NKX2-2: variants seen among roughly 807,000 people sequenced by gnomAD.
NKX2-2 encodes NK2 homeobox 2, also known as homeobox protein Nkx-2.2.
NKX2-2 carries 8 observed loss-of-function variants against 24.6 expected under a neutral mutation model. The ratio of observed to expected loss-of-function variants is 0.32; its 90% CI spans 0.19 to 0.59. The LOEUF (loss-of-function observed/expected upper bound fraction) is 0.59, where lower values mean the gene tolerates loss of function less well. Among genes scored for constraint, NKX2-2 ranks in the 20% least tolerant of loss-of-function variants. The pLI, the probability that NKX2-2 is intolerant of heterozygous loss-of-function variation, is 0.86. For missense variants in NKX2-2, 381 were observed against 373.9 expected (o/e 1.02, Z -0.16); for synonymous variants, 217 against 173.3 (o/e 1.25, Z -1.98).
chr20:21,515,537 C>T (rs1337006222), upstream of NKX2-2, among the ~76,000 whole-genome samples: 2 of 151,436 alleles, frequency 1.3e-5, no homozygotes, highest in Non-Finnish European at 2.9e-5. Context: ...TCCTCCTCGG[C>T]GCTGGGGTTG....
chr20:21,513,279 C>A lies in NKX2-2; in HGVS notation c.259+132G>T. Reference sequence around the variant, plus strand: ...GACATCCTATACAGGTGTTAAAAATCTTTCTACGGATCCGAGTGAGGGGGT... The same window carrying A: ...GACATCCTATACAGGTGTTAAAAATATTTCTACGGATCCGAGTGAGGGGGT... On this transcript the variant is annotated intron_variant, in intron 1 of 1. Coordinates refer to ENST00000377142, the MANE Select transcript of NKX2-2 (RefSeq NM_002509.4). The surrounding 1 kb of genome is among the most constrained non-coding windows in gnomAD (Gnocchi z 4.6). 1.0e-6 allele frequency: 1 copy of A among 990,684 alleles called. No individual in the cohort carries two copies. The highest frequency in any genetic ancestry group is 1.4e-6 in the Non-Finnish European group (1 of 704,646). 61.4% of individuals were successfully genotyped at this position (990,684 alleles called of 1,614,324 possible).
At chr20:21,516,421 C>G (rs1171987396), upstream of NKX2-2, among the ~76,000 whole-genome samples, 2 of 144,412 alleles carry the variant, frequency 1.4e-5, no homozygotes, top group East Asian at 4.1e-4. Flanking sequence ...CTTTCCGTCT[C>G]TGTCTTTCTC....
chr20:21,521,407 C>T, the NKX2-2 span, among the ~76,000 whole-genome samples: 1 of 152,168 alleles, frequency 6.6e-6, no homozygotes, highest in East Asian at 1.9e-4. Flanking sequence ...CAAACGAGAA[C>T]TGTCCGGCGC....
At chr20:21,516,211 C>T (rs2122548863), upstream of NKX2-2, among the ~76,000 whole-genome samples, 1 of 152,274 alleles carries the variant, frequency 6.6e-6, no homozygotes, top group Middle Eastern at 3.4e-3. Flanking sequence ...ACTATCTCTT[C>T]ATTCATTTCT....
the NKX2-2 span, among the ~76,000 whole-genome samples, chr20:21,519,696 C>T: frequency 2.6e-5 from 4 of 152,348 alleles, no homozygotes; most frequent in African/African-American, 9.6e-5. Flanking sequence ...AGGAGTACTA[C>T]CCCGTGCTGG....
the NKX2-2 span, among the ~76,000 whole-genome samples, chr20:21,522,504 G>T: frequency 6.6e-6 from 1 of 152,050 alleles, no homozygotes; most frequent in Non-Finnish European, 1.5e-5. Flanking sequence ...GGGCTCCGCC[G>T]GGTGCCCCGC....
chr20:21,514,613 C>G (rs765529285), upstream of NKX2-2, among the ~76,000 whole-genome samples: 1 of 152,124 alleles, frequency 6.6e-6, no homozygotes, highest in Non-Finnish European at 1.5e-5. Context: ...CGCCCACCCC[C>G]GGCAAGCCGG....
chr20:21,512,815 C>G (rs971251166), intron 1 of NKX2-2, among the ~76,000 whole-genome samples: 1 of 152,172 alleles, frequency 6.6e-6, no homozygotes, highest in African/African-American at 2.4e-5. Context: ...GTTTCCTCTC[C>G]GGCGAGACGT....
Position 21,513,315 on chromosome 20 carries a change from A to G in NKX2-2, c.259+96T>C, listed in dbSNP as rs1263452328. 4 of 1,345,426 alleles carry G rather than the reference A, an allele frequency of 3.0e-6. No individual in the cohort carries two copies. The highest frequency in any genetic ancestry group is 4.0e-6 in the Non-Finnish European group (4 of 1,005,494). The allele number at this position is 1,345,426 out of a possible 1,614,324, so 83.3% of individuals were successfully genotyped here. On this transcript the variant is annotated intron_variant, in intron 1 of 1. Coordinates refer to ENST00000377142, the MANE Select transcript of NKX2-2 (RefSeq NM_002509.4). This position sits in a 1 kb window ranked among gnomAD's most constrained non-coding sequence, Gnocchi z 4.6. The stretch of plus-strand genomic sequence containing the variant: ...TCCGAGTGAGGGGGTCCGGGCTTAC[A>G]TGGCCCCTTCCCCTTTCACTCCCAG...
rs747415676 is a variant in NKX2-2 at position 21,513,496 on chromosome 20, G to C, written c.174C>G (p.Ser58Arg). ...LGQGALDAVQ[S>R]LPLKNPFYDS... ...CGTAGAAGGGGTTCTTCAGGGGCAG[G>C]CTCTGCACCGCGTCCAGGGCGCCCT... The change falls in exon 1 of 2, where the codon AGC becomes AGG. Residue 58 changes from serine to arginine, a missense_variant. By Grantham distance (110) the Ser-to-Arg change is moderately radical. Around this residue, in one of 3 missense-constraint regions of NKX2-2, gnomAD observed 206 missense variants for 173.1 expected, o/e 1.19. Transcript: ENST00000377142. This position sits in a 1 kb window ranked among gnomAD's most constrained non-coding sequence, Gnocchi z 4.6. The C allele has an allele frequency of 6.2e-7, 1 of 1,612,352 alleles. No individual in the cohort carries two copies. The highest frequency in any genetic ancestry group is 8.5e-7 in the Non-Finnish European group (1 of 1,179,300).
At position 21,511,541 on chromosome 20, in the gene NKX2-2, C is replaced by G. The variant is rs1980428096; in HGVS notation, c.*382G>C. 1 of 179,862 alleles carries G rather than the reference C, an allele frequency of 5.6e-6. No homozygotes were observed. The highest frequency in any genetic ancestry group is 1.1e-5 in the Non-Finnish European group (1 of 87,024). 11.1% of individuals were successfully genotyped at this position (179,862 alleles called of 1,614,324 possible). A position where few individuals can be genotyped will look rare whatever the true frequency, so the allele number is the denominator to read the frequency against. ...TCGCTACTCACACAAACATATTTTA[C>G]AAAATGCACGAAAGCAGGGGTGGGG... On this transcript the variant is annotated 3_prime_UTR_variant, in exon 2 of 2. Coordinates refer to ENST00000377142, the MANE Select transcript of NKX2-2 (RefSeq NM_002509.4).
chr20:21,514,672 C>T (rs934990439), upstream of NKX2-2, among the ~76,000 whole-genome samples: 3 of 152,122 alleles, frequency 2.0e-5, no homozygotes, highest in Admixed American at 6.5e-5. Flanking sequence ...GGGGCGAAGG[C>T]CGAGCTGCGG....
In NKX2-2 at chr20:21,511,568, G is replaced by A. The variant is rs1342998911; in HGVS notation, c.*355C>T. The A allele has an allele frequency of 9.5e-6, 2 of 211,000 alleles. No individual in the cohort carries two copies. The highest frequency in any genetic ancestry group is 9.7e-5 in the East Asian group (1 of 10,362). The allele number at this position is 211,000 out of a possible 1,614,324, so 13.1% of individuals were successfully genotyped here. ...AAATGCACGAAAGCAGGGGTGGGGG[G>A]TCGGTCTTTTTCTCGTTTTCAAGTG... On this transcript the variant is annotated 3_prime_UTR_variant, in exon 2 of 2. Transcript: ENST00000377142.
In NKX2-2 at chr20:21,513,386, T is replaced by G; in HGVS notation, c.259+25A>C. ...TGCAGGAATGGAGGGGACCACGGCC[T>G]CGGCAGCCAAGTTTTGCTACTTACG... On this transcript the variant is annotated intron_variant, in intron 1 of 1. Coordinates refer to ENST00000377142, the MANE Select transcript of NKX2-2 (RefSeq NM_002509.4). This position sits in a 1 kb window ranked among gnomAD's most constrained non-coding sequence, Gnocchi z 4.6. 6.6e-7 allele frequency: 1 copy of G among 1,507,066 alleles called. No individual in the cohort carries two copies. Among genetic ancestry groups the G allele is most frequent in the Non-Finnish European group, 8.9e-7 (1 of 1,126,456 alleles). 93.4% of individuals were successfully genotyped at this position (1,507,066 alleles called of 1,614,324 possible).
chr20:21,521,283 C>A, the NKX2-2 span, among the ~76,000 whole-genome samples: 1 of 152,194 alleles, frequency 6.6e-6, no homozygotes, highest in Middle Eastern at 3.4e-3. Flanking sequence ...CAAAGGGCCT[C>A]CTGGTAGTGT....
chr20:21,511,994 A>G lies in NKX2-2; in HGVS notation c.751T>C (p.Tyr251His), dbSNP rs1301986951. ...TACTGGGGGGTGCTGGCCGAGCTGT[A>G]CTGGGCGTTGTACTGCATGTGCTGC... ...SLQHMQYNAQ[Y>H]SSASTPQYPT... Residue 251 changes from tyrosine (Y) to histidine (H), a missense_variant, in exon 2 of 2, where the codon TAC (tyrosine) becomes CAC (histidine). Around this residue, in one of 3 missense-constraint regions of NKX2-2, gnomAD observed 139 missense variants for 121.7 expected, o/e 1.14. Coordinates refer to ENST00000377142, the MANE Select transcript of NKX2-2 (RefSeq NM_002509.4). The G allele has an allele frequency of 3.0e-5, 49 of 1,613,102 alleles. No individual in the cohort carries two copies. Among genetic ancestry groups the G allele is most frequent in the Non-Finnish European group, 4.1e-5 (48 of 1,179,894 alleles).
rs1286904306 is a variant in NKX2-2, at chr20:21,513,738, C to A, written c.-69G>T. On this transcript the variant is annotated 5_prime_UTR_variant, in exon 1 of 2. Transcript: ENST00000377142. The surrounding 1 kb of genome is among the most constrained non-coding windows in gnomAD (Gnocchi z 4.6). Reference sequence around the variant, plus strand: ...TTGGTCAATTCGTGGCGCTCCCCTGCCCCGGCGGGCGGGGGAGGGGGGAGT... The same window carrying A: ...TTGGTCAATTCGTGGCGCTCCCCTGACCCGGCGGGCGGGGGAGGGGGGAGT... 1.5e-6 allele frequency: 2 copies of A among 1,341,006 alleles called. No homozygotes were observed. Among genetic ancestry groups the A allele is most frequent in the Non-Finnish European group, 1.9e-6 (2 of 1,036,596 alleles). 83.1% of individuals were successfully genotyped at this position (1,341,006 alleles called of 1,614,324 possible).
upstream of NKX2-2, among the ~76,000 whole-genome samples, chr20:21,515,607 G>C (rs1209778444): frequency 6.6e-6 from 1 of 151,154 alleles, no homozygotes; most frequent in African/African-American, 2.4e-5. Context: ...TGGGGGGGGG[G>C]TGCAGGGGTG....
At position 21,511,974 on chromosome 20, in the gene NKX2-2, G is replaced by A. The variant is rs749836313; in HGVS notation, c.771C>T (p.Pro257=). The A allele has an allele frequency of 6.2e-7, 1 of 1,610,918 alleles. No homozygotes were observed. The highest frequency in any genetic ancestry group is 1.3e-5 in the African/African-American group (1 of 74,912). ...YNAQYSSAST[P]QYPTAHPLVQ... ...CCAGGGGGTGTGCTGTCGGGTACTG[G>A]GGGGTGCTGGCCGAGCTGTACTGGG... The change falls in exon 2 of 2, where the codon CCC becomes CCT. Residue 257 remains proline (P), a synonymous_variant. Transcript: ENST00000377142.
Sources: gnomAD v4.1 joint callset for allele counts (sites outside exome capture counted in the v4.1 genomes callset) on GRCh38, gnomAD v4.1.1 for gene constraint, gnomAD v4.1.1 regional missense constraint, Gnocchi (gnomAD v3.1) non-coding constraint, MANE v1.5 for transcripts, NCBI Gene and HGNC (gene_info 2026-07-23, HGNC 2026-07-21) for gene names.